The following GPC5 variants were observed in gnomAD, a reference collection of about 807,000 sequenced individuals.
GPC5 encodes glypican-5.
GPC5 carries 47 observed loss-of-function variants against 53.9 expected under a neutral mutation model. The observed-to-expected ratio is 0.87, with a 90% confidence interval of 0.69 to 1.11. The LOEUF (loss-of-function observed/expected upper bound fraction) is 1.11, where lower values mean the gene tolerates loss of function less well. Ranked by LOEUF, GPC5 falls within the 50% of genes most tolerant of loss-of-function variation. GPC5 has a pLI of 0.00. For synonymous variants in GPC5, 286 were observed against 263.3 expected (o/e 1.09, Z -0.84); for missense variants, 748 against 713.1 (o/e 1.05, Z -0.56).
chr13:92,755,574 G>C (rs955226382), intron 7 of GPC5, among the ~76,000 whole-genome samples: 2 of 149,806 alleles, frequency 1.3e-5, no homozygotes, highest in Admixed American at 1.4e-4. Context: ...AAAATAGATA[G>C]ACTGCTAGCA....
At chr13:91,739,574 A>G (rs1286606759) in intron 4 of GPC5, among the ~76,000 whole-genome samples, 2 of 151,112 alleles carry the variant, frequency 1.3e-5, no homozygotes, top group Non-Finnish European at 2.9e-5. Context: ...GTGGGGCTGG[A>G]GTATCATCTC....
chr13:92,373,291 A>G (rs1162304200), intron 7 of GPC5, among the ~76,000 whole-genome samples: 4 of 152,224 alleles, frequency 2.6e-5, no homozygotes, highest in Non-Finnish European at 4.4e-5. Flanking sequence ...AAAAATGGGT[A>G]GTATATTTGT....
chr13:91,857,067 T>C (rs2038975063), intron 5 of GPC5, among the ~76,000 whole-genome samples: 1 of 151,370 alleles, frequency 6.6e-6, no homozygotes, highest in African/African-American at 2.4e-5. Context: ...ACCAAATATG[T>C]ATTTGTATAT....
chr13:92,048,903 G>T (rs962406758), intron 6 of GPC5, among the ~76,000 whole-genome samples: 6 of 152,120 alleles, frequency 3.9e-5, no homozygotes, highest in Non-Finnish European at 8.8e-5. Flanking sequence ...TTAACAAGAA[G>T]ACACAACAAC....
At chr13:92,491,673 G>A (rs1879766768) in intron 7 of GPC5, among the ~76,000 whole-genome samples, 2 of 151,784 alleles carry the variant, frequency 1.3e-5, no homozygotes, top group African/African-American at 4.8e-5. Context: ...TTTTGCCTCT[G>A]ACAAGCAACA....
intron 3 of GPC5, among the ~76,000 whole-genome samples, chr13:91,704,832 A>C (rs952258022): frequency 3.9e-5 from 6 of 152,162 alleles, no homozygotes; most frequent in Admixed American, 3.9e-4. Context: ...AAGAAGGAAA[A>C]TCTCTTTCCA....
chr13:92,324,357 G>T (rs2043236137), intron 7 of GPC5, among the ~76,000 whole-genome samples: 1 of 151,914 alleles, frequency 6.6e-6, no homozygotes, highest in African/African-American at 2.4e-5. Context: ...AATGGTGGTG[G>T]TAGTTTTCTT....
Position 91,575,173 on chromosome 13 carries a change from A to G in GPC5, c.326-118014A>G, listed in dbSNP as rs547193235. The stretch of plus-strand genomic sequence containing the variant: ...GTCTATTCTAGTTCTATCCATCTCA[A>G]ATCCTATAACCTATTTTACTACATT... On this transcript the variant is annotated intron_variant, in intron 2 of 7. Transcript: ENST00000377067. 8.7e-4 allele frequency among the ~76,000 whole-genome samples: 132 copies of G among 152,272 alleles called. 1 individual carries two copies. Among genetic ancestry groups the G allele is most frequent in the African/African-American group, 3.0e-3 (125 of 41,570 alleles).
At chr13:91,709,942 G>T (rs1306966574) in intron 3 of GPC5, among the ~76,000 whole-genome samples, 1 of 152,164 alleles carries the variant, frequency 6.6e-6, no homozygotes. Context: ...ATGGTGTAAA[G>T]TTCCCTTTGT....
intron 2 of GPC5, among the ~76,000 whole-genome samples, chr13:91,585,200 G>A (rs914040806): frequency 1.3e-5 from 2 of 152,024 alleles, no homozygotes; most frequent in Admixed American, 6.6e-5. Flanking sequence ...ATATACTACT[G>A]GTAGTAACAT....
At chr13:91,944,555 T>C (rs1486042686) in intron 6 of GPC5, among the ~76,000 whole-genome samples, 1 of 152,202 alleles carries the variant, frequency 6.6e-6, no homozygotes, top group Non-Finnish European at 1.5e-5. Context: ...TACTCTCTCC[T>C]CCTAGTTGTT....
At chr13:92,632,495 T>C (rs1472470310) in intron 7 of GPC5, among the ~76,000 whole-genome samples, 4 of 137,952 alleles carry the variant, frequency 2.9e-5, no homozygotes, top group Non-Finnish European at 6.4e-5. Context: ...TACACATATA[T>C]ATATGCACAC....
At chr13:91,880,429 C>A (rs2039251931) in intron 5 of GPC5, among the ~76,000 whole-genome samples, 1 of 151,712 alleles carries the variant, frequency 6.6e-6, no homozygotes, top group African/African-American at 2.4e-5. Flanking sequence ...AATTTATTGC[C>A]TTTTAACTTA....
intron 7 of GPC5, among the ~76,000 whole-genome samples, chr13:92,848,228 T>C (rs1277218301): frequency 2.3e-4 from 35 of 152,212 alleles, no homozygotes; most frequent in Admixed American, 2.3e-3. Context: ...AATTTTTGTA[T>C]CTATCCTGGG....
intron 7 of GPC5, among the ~76,000 whole-genome samples, chr13:92,562,770 A>G (rs1320537467): frequency 2.0e-5 from 3 of 152,054 alleles, no homozygotes; most frequent in Non-Finnish European, 4.4e-5. Context: ...ACAGTAACAC[A>G]CCTTGTTTGA....
chr13:92,676,517 T>G (rs945150027), intron 7 of GPC5, among the ~76,000 whole-genome samples: 5 of 152,098 alleles, frequency 3.3e-5, no homozygotes, highest in Non-Finnish European at 7.4e-5. Context: ...ACACGCAAAA[T>G]TAGGCTGTGG....
At chr13:91,825,215 G>A (rs779578518) in intron 5 of GPC5, among the ~76,000 whole-genome samples, 3 of 151,898 alleles carry the variant, frequency 2.0e-5, no homozygotes, top group Admixed American at 6.6e-5. Context: ...AGTATGACAT[G>A]GCTATAATTG....
At chr13:91,665,327 G>C (rs552095728) in intron 2 of GPC5, among the ~76,000 whole-genome samples, 7 of 152,022 alleles carry the variant, frequency 4.6e-5, no homozygotes, top group Non-Finnish European at 8.8e-5. Flanking sequence ...TAGAAATTAC[G>C]GTCCCTTGAA....
At chr13:91,640,551 A>T (rs1487660411) in intron 2 of GPC5, among the ~76,000 whole-genome samples, 2 of 152,220 alleles carry the variant, frequency 1.3e-5, no homozygotes, top group Admixed American at 6.5e-5. Flanking sequence ...TTGTTCAACC[A>T]TTGTGGAAGA....
Sources: allele counts gnomAD v4.1 joint callset (sites outside exome capture counted in the v4.1 genomes callset), GRCh38; gene constraint gnomAD v4.1.1; transcripts MANE v1.5; gene names NCBI Gene and HGNC (gene_info 2026-07-23, HGNC 2026-07-21).